TMEM108: variants seen among roughly 807,000 people sequenced by gnomAD.
The protein encoded by TMEM108 is transmembrane protein 108, also known as cancer/testis antigen 124.
In TMEM108, 12 loss-of-function variants were observed where a neutral mutation model predicts 35.1. That is an observed-to-expected ratio of 0.34 (90% CI 0.22 to 0.55). The LOEUF (loss-of-function observed/expected upper bound fraction) is 0.55. Among genes scored for constraint, TMEM108 ranks in the 20% least tolerant of loss-of-function variants. TMEM108 has a pLI of 0.89. For synonymous variants in TMEM108, 287 were observed against 308.6 expected (o/e 0.93, Z 0.73); for missense variants, 680 against 753.3 (o/e 0.90, Z 1.14).
At chr3:133,186,396 A>G (rs1249911185) in intron 2 of TMEM108, among the ~76,000 whole-genome samples, 1 of 152,244 alleles carries the variant, frequency 6.6e-6, no homozygotes, top group Non-Finnish European at 1.5e-5. Context: ...AATGCAACTT[A>G]CATAATTTAT....
At chr3:133,381,560 C>T (rs933353680) in intron 4 of TMEM108, among the ~76,000 whole-genome samples, 1 of 152,198 alleles carries the variant, frequency 6.6e-6, no homozygotes, top group African/African-American at 2.4e-5. Context: ...CACCACTCTG[C>T]CTCAAGGTAG....
At chr3:133,378,218 A>G (rs2072899925) in intron 3 of TMEM108, 3 of 487,624 alleles carry the variant, frequency 6.2e-6, no homozygotes, top group Non-Finnish European at 8.0e-6. Context: ...CTCCCCACCA[A>G]TTTAGAAGTG....
chr3:133,299,286 T>C (rs917131800), intron 3 of TMEM108, among the ~76,000 whole-genome samples: 1 of 152,186 alleles, frequency 6.6e-6, no homozygotes, highest in Non-Finnish European at 1.5e-5. Flanking sequence ...GAATAGCTCT[T>C]TAGTGGCAGA....
At chr3:133,066,230 A>G (rs1161648997) in intron 2 of TMEM108, among the ~76,000 whole-genome samples, 3 of 152,010 alleles carry the variant, frequency 2.0e-5, no homozygotes, top group Non-Finnish European at 2.9e-5. Context: ...GTTCATTCCC[A>G]TTGCCATCTG....
intron 3 of TMEM108, among the ~76,000 whole-genome samples, chr3:133,243,879 A>G (rs1487278797): frequency 6.6e-6 from 1 of 152,114 alleles, no homozygotes. Flanking sequence ...GCAGACCTAG[A>G]ACCCTGAGAC....
At chr3:133,384,952 G>C (rs1444606265) in intron 4 of TMEM108, among the ~76,000 whole-genome samples, 1 of 152,208 alleles carries the variant, frequency 6.6e-6, no homozygotes, top group African/African-American at 2.4e-5. Flanking sequence ...CTCTCTCTCT[G>C]ACACTAGACA....
intron 3 of TMEM108, among the ~76,000 whole-genome samples, chr3:133,230,941 T>C (rs1267696492): frequency 6.6e-6 from 1 of 152,190 alleles, no homozygotes; most frequent in South Asian, 2.1e-4. Context: ...CCTTGCTGTT[T>C]GCAAAGCTTG....
intron 2 of TMEM108, among the ~76,000 whole-genome samples, chr3:133,160,153 G>A (rs12495422): frequency 5.3e-5 from 8 of 152,220 alleles, no homozygotes; most frequent in Admixed American, 5.2e-4. Flanking sequence ...CAGGTAGGCA[G>A]GCTTCCTTTA....
chr3:133,070,866 T>C (rs929753538), intron 2 of TMEM108, among the ~76,000 whole-genome samples: 9 of 151,874 alleles, frequency 5.9e-5, no homozygotes, highest in African/African-American at 2.2e-4. Context: ...GGTGCTAGGG[T>C]ACTGCAGCTG....
At chr3:133,218,940 G>A (rs1945948448) in intron 2 of TMEM108, among the ~76,000 whole-genome samples, 1 of 151,948 alleles carries the variant, frequency 6.6e-6, no homozygotes, top group Non-Finnish European at 1.5e-5. Context: ...TTTTTTGGAA[G>A]AGTTTGAGAA....
Position 133,244,602 on chromosome 3 carries a change from A to G in TMEM108, c.40+15251A>G, listed in dbSNP as rs1349028737. Reference sequence around the variant, plus strand: ...TAATGATAAATGAGTATGACCAGGTATTTTATTCTTTCCCTGGAGATGTGG... The same window carrying G: ...TAATGATAAATGAGTATGACCAGGTGTTTTATTCTTTCCCTGGAGATGTGG... On this transcript the variant is annotated intron_variant, in intron 3 of 5. Transcript: ENST00000321871. Among the ~76,000 whole-genome samples, 3 of 152,200 alleles carry G rather than the reference A, an allele frequency of 2.0e-5. No homozygotes were observed. In the East Asian group the frequency reaches 5.8e-4, roughly 29 times the overall value.
chr3:133,070,496 G>A (rs889933475), intron 2 of TMEM108, among the ~76,000 whole-genome samples: 3 of 152,030 alleles, frequency 2.0e-5, no homozygotes, highest in African/African-American at 4.8e-5. Context: ...CATTGGAAAA[G>A]GCTTAGAACC....
At chr3:133,174,561 A>T (rs990370711) in intron 2 of TMEM108, among the ~76,000 whole-genome samples, 4 of 152,236 alleles carry the variant, frequency 2.6e-5, no homozygotes, top group Admixed American at 6.5e-5. Context: ...ATACCCAGGG[A>T]AACAGGGTCT....
chr3:133,089,851 A>G (rs2107705665), intron 2 of TMEM108, among the ~76,000 whole-genome samples: 1 of 152,342 alleles, frequency 6.6e-6, no homozygotes, highest in South Asian at 2.1e-4. Context: ...TGCTGGCTGT[A>G]TATCAGCATT....
chr3:133,161,906 G>A (rs73215567), intron 2 of TMEM108, among the ~76,000 whole-genome samples: 324 of 152,172 alleles, frequency 2.1e-3, no homozygotes, highest in Non-Finnish European at 3.6e-3. Flanking sequence ...TTGTTACCTC[G>A]TTTTTGGCCC....
intron 5 of TMEM108, 55 bp from the exon 6 acceptor site, chr3:133,395,786 CATGTGTACATTTCTTTAAGAATG>C: frequency 7.2e-7 from 1 of 1,393,704 alleles, no homozygotes; most frequent in Non-Finnish European, 9.4e-7. Context: ...TAAATGTTCC[CATGTGTACATTTCTTTAAGAATG>C]GCCACCTCTT....
At chr3:133,286,398 TTCA>T (rs1353008618) in intron 3 of TMEM108, among the ~76,000 whole-genome samples, 1 of 152,154 alleles carries the variant, frequency 6.6e-6, no homozygotes, top group Non-Finnish European at 1.5e-5. Context: ...GAGTGGTGTC[TTCA>T]TAGCTCACTG....
rs371885570 is a variant in TMEM108 at position 133,380,085 on chromosome 3, C to T, written c.374C>T (p.Thr125Ile). 7 of 1,613,938 alleles carry T rather than the reference C, an allele frequency of 4.3e-6. No individual in the cohort carries two copies. The highest frequency in any genetic ancestry group is 3.3e-4 in the Middle Eastern group (2 of 6,084). ...TGPAPAAMAT[T>I]SSKPEGRPRG... ...CCCGCTCCAGCAGCCATGGCAACCACATCCTCCAAGCCAGAGGGCCGCCCT... is the reference window on the plus strand; with the variant it reads ...CCCGCTCCAGCAGCCATGGCAACCATATCCTCCAAGCCAGAGGGCCGCCCT... Residue 125 changes from threonine to isoleucine, a missense_variant, in exon 4 of 6, where the codon ACA becomes ATA. Transcript: ENST00000321871. This position sits in a 1 kb window ranked among gnomAD's most constrained non-coding sequence, Gnocchi z 5.3.
intron 3 of TMEM108, among the ~76,000 whole-genome samples, chr3:133,319,840 C>T (rs2071244269): frequency 6.6e-6 from 1 of 152,196 alleles, no homozygotes; most frequent in South Asian, 2.1e-4. Flanking sequence ...TTCATGGGAC[C>T]TTCATGAGTC....
Sources: gnomAD v4.1 joint callset for allele counts (sites outside exome capture counted in the v4.1 genomes callset) on GRCh38, gnomAD v4.1.1 for gene constraint, Gnocchi (gnomAD v3.1) non-coding constraint, MANE v1.5 for transcripts, NCBI Gene and HGNC (gene_info 2026-07-23, HGNC 2026-07-21) for gene names.